WWOX: variants seen among roughly 807,000 people sequenced by gnomAD.
The protein encoded by WWOX is WW domain-containing oxidoreductase.
Under a neutral mutation model 46.2 loss-of-function variants are expected in WWOX, and 69 were observed. That is an observed-to-expected ratio of 1.49 (90% CI 1.23 to 1.82). The LOEUF (loss-of-function observed/expected upper bound fraction) is 1.82. WWOX is among the 40% of genes most tolerant of loss of function. The pLI, the probability that WWOX is intolerant of heterozygous loss-of-function variation, is 0.00. For missense variants in WWOX, 919 were observed against 542.6 expected (o/e 1.69, Z -6.89); for synonymous variants, 359 against 202.6 (o/e 1.77, Z -6.56).
intron 8 of WWOX, among the ~76,000 whole-genome samples, chr16:78,930,281 T>TCCTTCTGACCTTCC (rs1597165549): frequency 1.8e-5 from 2 of 111,730 alleles, no homozygotes; most frequent in African/African-American, 3.8e-5. Flanking sequence ...CTCTCTTTCT[T>TCCTTCTGACCTTCC]TTTTTATTTT....
intron 8 of WWOX, among the ~76,000 whole-genome samples, chr16:78,524,120 A>G (rs2043406566): frequency 6.6e-6 from 1 of 152,152 alleles, no homozygotes; most frequent in African/African-American, 2.4e-5. Context: ...GGCAAACATC[A>G]CTTTGTAATT....
chr16:78,955,881 C>T (rs974581325), intron 8 of WWOX, among the ~76,000 whole-genome samples: 14 of 151,624 alleles, frequency 9.2e-5, no homozygotes, highest in South Asian at 2.1e-4. Context: ...TGGCCTCAAG[C>T]GATCTCCCAT....
At chr16:78,942,123 G>A (rs1473710891) in intron 8 of WWOX, among the ~76,000 whole-genome samples, 2 of 152,162 alleles carry the variant, frequency 1.3e-5, no homozygotes, top group Non-Finnish European at 2.9e-5. Flanking sequence ...ACACGGAAGC[G>A]CCCTCCTTTT....
At chr16:78,372,215 G>T (rs2081707272) in intron 5 of WWOX, among the ~76,000 whole-genome samples, 5 of 152,266 alleles carry the variant, frequency 3.3e-5, no homozygotes, top group Admixed American at 3.3e-4. Context: ...CTCACACAGA[G>T]AACATATTCA....
Position 79,109,788 on chromosome 16 carries a change from CAG to C in WWOX, c.1057-101817_1057-101816del, listed in dbSNP as rs2049381765. On this transcript the variant is annotated intron_variant, in intron 8 of 8. Transcript: ENST00000566780. ...TCGCATCAGATAACTAGGAAGAAAT[CAG>C]AGTCATTTTCTCTCTAAGGCAGGCT... 4.6e-5 allele frequency among the ~76,000 whole-genome samples: 7 copies of C among 152,260 alleles called. No individual in the cohort carries two copies. The South Asian group carries it at 1.5e-3, about 32-fold the overall frequency.
chr16:78,968,476 C>G (rs559991451), intron 8 of WWOX, among the ~76,000 whole-genome samples: 1 of 152,198 alleles, frequency 6.6e-6, no homozygotes, highest in East Asian at 1.9e-4. Context: ...AGATGGCAGT[C>G]TTCATCGTGG....
intron 5 of WWOX, among the ~76,000 whole-genome samples, chr16:78,384,819 C>T (rs564336633): frequency 6.6e-6 from 1 of 152,290 alleles, no homozygotes; most frequent in East Asian, 1.9e-4. Flanking sequence ...ATAATTTCAT[C>T]ACTTTCTACC....
intron 8 of WWOX, among the ~76,000 whole-genome samples, chr16:78,590,873 C>G (rs1050466285): frequency 1.6e-4 from 25 of 152,108 alleles, no homozygotes; most frequent in African/African-American, 5.6e-4. Context: ...CAGACTCCAG[C>G]GTTTAGACAA....
intron 5 of WWOX, among the ~76,000 whole-genome samples, chr16:78,174,780 A>T (rs1034503788): frequency 6.6e-6 from 1 of 152,002 alleles, no homozygotes; most frequent in African/African-American, 2.4e-5. Context: ...CTGAGCTCAA[A>T]AGCTGGCGAC....
intron 8 of WWOX, among the ~76,000 whole-genome samples, chr16:78,679,657 C>T (rs957499070): frequency 6.6e-6 from 1 of 152,218 alleles, no homozygotes; most frequent in Non-Finnish European, 1.5e-5. Flanking sequence ...ATTCCTGTTT[C>T]CTTGCCAGGA....
chr16:79,151,608 C>T (rs1441415412), intron 8 of WWOX, among the ~76,000 whole-genome samples: 1 of 152,224 alleles, frequency 6.6e-6, no homozygotes. Context: ...GGGCTGCATG[C>T]CTTTCTCAGT....
intron 8 of WWOX, among the ~76,000 whole-genome samples, chr16:78,973,990 T>G (rs1183887266): frequency 1.3e-5 from 2 of 152,248 alleles, no homozygotes; most frequent in Non-Finnish European, 2.9e-5. Flanking sequence ...ACTAGTCAGC[T>G]TTCTTTTCCC....
chr16:78,585,112 T>C (rs915829060), intron 8 of WWOX, among the ~76,000 whole-genome samples: 3 of 152,212 alleles, frequency 2.0e-5, no homozygotes, highest in South Asian at 4.1e-4. Flanking sequence ...AGAAATTCTT[T>C]AGCCATGTCC....
chr16:78,312,992 A>G (rs1311246233), intron 5 of WWOX, among the ~76,000 whole-genome samples: 1 of 152,194 alleles, frequency 6.6e-6, no homozygotes, highest in Non-Finnish European at 1.5e-5. Flanking sequence ...CTGTTGAGTG[A>G]TTGTGAATGT....
At chr16:78,764,374 C>G (rs996561008) in intron 8 of WWOX, among the ~76,000 whole-genome samples, 8 of 151,118 alleles carry the variant, frequency 5.3e-5, no homozygotes, top group African/African-American at 1.9e-4. Context: ...GAGGCCGCCT[C>G]CTCCTCCAGG....
chr16:78,622,874 T>G (rs1308929796), intron 8 of WWOX, among the ~76,000 whole-genome samples: 1 of 152,112 alleles, frequency 6.6e-6, no homozygotes, highest in Non-Finnish European at 1.5e-5. Context: ...GAAAATCCCT[T>G]AAAGAGGAGC....
chr16:78,747,028 T>C (rs2049363752), intron 8 of WWOX, among the ~76,000 whole-genome samples: 1 of 152,074 alleles, frequency 6.6e-6, no homozygotes, highest in African/African-American at 2.4e-5. Flanking sequence ...TCTCAGTTTA[T>C]TTCCTACCTC....
chr16:78,617,992 A>G (rs1004466459), intron 8 of WWOX, among the ~76,000 whole-genome samples: 3 of 152,182 alleles, frequency 2.0e-5, no homozygotes, highest in African/African-American at 4.8e-5. Flanking sequence ...AATGTTAACA[A>G]TTAGTGTTTA....
rs944039160 is a variant in WWOX at position 79,074,434 on chromosome 16, T to C, written c.1057-137174T>C. ...CTTTTTTTTTTTTTTTTTTTTTTTT[T>C]TTTTTTTTGGTCATATTTTCTCCAT... On this transcript the variant is annotated intron_variant, in intron 8 of 8. Coordinates refer to ENST00000566780, the MANE Select transcript of WWOX (RefSeq NM_016373.4). Among the ~76,000 whole-genome samples the C allele has an allele frequency of 1.2e-3, 162 of 134,492 alleles. 1 individual carries two copies. Among genetic ancestry groups the C allele is most frequent in the African/African-American group, 4.6e-3 (161 of 34,666 alleles). The allele number at this position is 134,492 out of a possible 152,430, so 88.2% of individuals were successfully genotyped here.
Sources: gnomAD v4.1 joint callset for allele counts (sites outside exome capture counted in the v4.1 genomes callset) on GRCh38, gnomAD v4.1.1 for gene constraint, MANE v1.5 for transcripts, NCBI Gene and HGNC (gene_info 2026-07-23, HGNC 2026-07-21) for gene names.